LIMD1: variants seen among roughly 807,000 people sequenced by gnomAD.
LIMD1 encodes the protein LIM domain containing 1, also known as LIM domain-containing protein 1.
A neutral mutation model predicts 58.4 loss-of-function variants in LIMD1; 23 were observed. The ratio of observed to expected loss-of-function variants is 0.39; its 90% CI spans 0.28 to 0.56. The LOEUF (loss-of-function observed/expected upper bound fraction) is 0.56, where lower values mean the gene tolerates loss of function less well. Among genes scored for constraint, LIMD1 ranks in the 20% least tolerant of loss-of-function variants. The pLI is 0.57. For missense variants in LIMD1, 838 were observed against 855.5 expected, an observed-to-expected ratio of 0.98 and a Z score of 0.25; for synonymous variants, 334 against 345.5, an observed-to-expected ratio of 0.97 and a Z score of 0.37.
rs566451697 is a variant in LIMD1 at position 45,609,502 on chromosome 3, C to G, written c.1408+13215C>G. 3.6e-4 allele frequency among the ~76,000 whole-genome samples: 55 copies of G among 152,334 alleles called. 2 individuals carry two copies. The South Asian group carries it at 0.011, about 31-fold the overall frequency. On this transcript the variant is annotated intron_variant, in intron 1 of 7. Coordinates refer to ENST00000273317, the MANE Select transcript of LIMD1 (RefSeq NM_014240.3). ...GGGATACAGGCATGTGCCACCGCGC[C>G]TGGCTCTGAATGGTTCCTTGGTTTC...
At chr3:45,673,374 A>G (rs1697619695) in intron 5 of LIMD1, 80 bp from the exon 6 acceptor site, 1 of 1,094,644 alleles carries the variant, frequency 9.1e-7, no homozygotes, top group South Asian at 1.2e-5. Flanking sequence ...GGAAGGCTCC[A>G]TGTGGATTCC....
chr3:45,657,784 A>AT (rs958775210), intron 2 of LIMD1, among the ~76,000 whole-genome samples: 1 of 152,152 alleles, frequency 6.6e-6, no homozygotes, highest in Non-Finnish European at 1.5e-5. Flanking sequence ...TAAGTATCAT[A>AT]TTTTTACTCC....
At chr3:45,597,376 C>T (rs1473065792) in intron 1 of LIMD1, among the ~76,000 whole-genome samples, 1 of 152,202 alleles carries the variant, frequency 6.6e-6, no homozygotes, top group Non-Finnish European at 1.5e-5. Context: ...CAGCCAACAG[C>T]CAGGTTGCAC....
Position 45,595,166 on chromosome 3 carries a change from A to G in LIMD1, c.287A>G (p.Lys96Arg). Residue 96 changes from lysine to arginine, a missense_variant, in exon 1 of 8, where the codon AAG (lysine) becomes AGG (arginine). Physicochemically the swap from Lys to Arg is conservative, Grantham distance 26. Transcript: ENST00000273317. ...PQARWEVVGS[K>R]LTVDGAAKPP... ...GCCCGTTGGGAAGTTGTGGGCAGCA[A>G]GCTGACTGTGGATGGTGCTGCCAAG... is the stretch of plus-strand genomic sequence containing the variant. 1 of 1,605,202 alleles carries G rather than the reference A, an allele frequency of 6.2e-7. No individual in the cohort carries two copies. The highest frequency in any genetic ancestry group is 1.1e-5 in the South Asian group (1 of 90,172).
chr3:45,657,910 A>C (rs965666326), intron 2 of LIMD1, among the ~76,000 whole-genome samples: 1 of 151,994 alleles, frequency 6.6e-6, no homozygotes, highest in African/African-American at 2.4e-5. Context: ...TTTCTGCCCG[A>C]CTCTTTACTG....
intron 1 of LIMD1, among the ~76,000 whole-genome samples, chr3:45,603,462 A>G (rs1010420531): frequency 2.0e-5 from 3 of 151,974 alleles, no homozygotes; most frequent in African/African-American, 7.2e-5. Flanking sequence ...AGATATGATG[A>G]CGTGGGGACT....
intron 1 of LIMD1, among the ~76,000 whole-genome samples, chr3:45,599,171 C>A (rs1701385896): frequency 6.6e-6 from 1 of 151,884 alleles, no homozygotes; most frequent in African/African-American, 2.4e-5. Context: ...AGATGAAATT[C>A]ACATAATGTA....
chr3:45,630,010 G>T (rs564497586), intron 1 of LIMD1, among the ~76,000 whole-genome samples: 15 of 152,292 alleles, frequency 9.8e-5, no homozygotes, highest in African/African-American at 3.6e-4. Context: ...CTACAATTTG[G>T]AGAATGGGCT....
chr3:45,601,469 C>T (rs942178355), intron 1 of LIMD1, among the ~76,000 whole-genome samples: 1 of 152,206 alleles, frequency 6.6e-6, no homozygotes, highest in African/African-American at 2.4e-5. Context: ...CTGTGCCCTC[C>T]CCTGTCCTCG....
intron 2 of LIMD1, among the ~76,000 whole-genome samples, chr3:45,639,990 T>C (rs1269076100): frequency 6.6e-6 from 1 of 152,182 alleles, no homozygotes. Context: ...CATAGGAATT[T>C]TAGGGGGACA....
intron 1 of LIMD1, among the ~76,000 whole-genome samples, chr3:45,602,717 A>G (rs776905475): frequency 1.7e-5 from 2 of 119,558 alleles, no homozygotes; most frequent in Admixed American, 1.8e-4. Context: ...TGTCCTATCT[A>G]TGTACCTACA....
intron 1 of LIMD1, among the ~76,000 whole-genome samples, chr3:45,607,369 AT>A (rs1020588352): frequency 2.6e-5 from 4 of 151,970 alleles, no homozygotes; most frequent in African/African-American, 4.8e-5. Flanking sequence ...CAGCCAGGTT[AT>A]TTTTAAGTTT....
chr3:45,670,569 T>C (rs1697576211), intron 4 of LIMD1, among the ~76,000 whole-genome samples: 1 of 152,190 alleles, frequency 6.6e-6, no homozygotes, highest in Non-Finnish European at 1.5e-5. Context: ...TAGCCTCTAA[T>C]CATTCAGTAG....
intron 1 of LIMD1, among the ~76,000 whole-genome samples, chr3:45,633,337 A>G (rs1297149568): frequency 1.3e-5 from 2 of 152,208 alleles, no homozygotes; most frequent in Non-Finnish European, 2.9e-5. Context: ...GGTTTGCTTT[A>G]CATAGATCAT....
At chr3:45,641,946 C>G (rs1387197232) in intron 2 of LIMD1, among the ~76,000 whole-genome samples, 1 of 152,222 alleles carries the variant, frequency 6.6e-6, no homozygotes, top group Non-Finnish European at 1.5e-5. Context: ...GAGACACTGT[C>G]TGGTGACAGG....
chr3:45,682,175 T>C lies in LIMD1; in HGVS notation c.*5116T>C, dbSNP rs1000504897. On this transcript the variant is annotated 3_prime_UTR_variant, in exon 8 of 8. Coordinates refer to ENST00000273317, the MANE Select transcript of LIMD1 (RefSeq NM_014240.3). ...TACACCAGAATAAAAGTTTTTTTTT[T>C]CTTTTTAAGTGATGAGAGAATGGCT... 6.6e-6 allele frequency: 1 copy of C among 152,198 alleles called. No homozygotes were observed. Among genetic ancestry groups the C allele is most frequent in the African/African-American group, 2.4e-5 (1 of 41,436 alleles). 9.4% of individuals were successfully genotyped at this position (152,198 alleles called of 1,614,324 possible).
rs145499509 is a variant in LIMD1 at position 45,660,321 on chromosome 3, C to T, written c.1511-5329C>T. Reference sequence around the variant, plus strand: ...GAAGAGGCGAAAGTGGGGAGCTCCACAAGTAAAGATTTGGACTTTGTGATC... The same window carrying T: ...GAAGAGGCGAAAGTGGGGAGCTCCATAAGTAAAGATTTGGACTTTGTGATC... On this transcript the variant is annotated intron_variant, in intron 2 of 7. Transcript: ENST00000273317. Among the ~76,000 whole-genome samples the T allele has an allele frequency of 6.6e-4, 100 of 150,812 alleles. 1 individual carries two copies. Among genetic ancestry groups the T allele is most frequent in the African/African-American group, 2.4e-3 (97 of 41,018 alleles).
intron 2 of LIMD1, among the ~76,000 whole-genome samples, chr3:45,642,572 G>C (rs1192136753): frequency 2.0e-5 from 3 of 152,162 alleles, no homozygotes; most frequent in Non-Finnish European, 4.4e-5. Context: ...TTTTCCCCAA[G>C]TTTATACACA....
At chr3:45,618,961 T>C (rs770108523) in intron 1 of LIMD1, among the ~76,000 whole-genome samples, 13 of 152,208 alleles carry the variant, frequency 8.5e-5, no homozygotes, top group South Asian at 2.1e-4. Context: ...CCAGGAGTGC[T>C]TACTTTGTGA....
Sources: gnomAD v4.1 joint callset for allele counts (sites outside exome capture counted in the v4.1 genomes callset) on GRCh38, gnomAD v4.1.1 for gene constraint, MANE v1.5 for transcripts, NCBI Gene and HGNC (gene_info 2026-07-23, HGNC 2026-07-21) for gene names.